The following SRFBP1 variants were observed in gnomAD, a reference collection of about 807,000 sequenced individuals.
SRFBP1 encodes the protein serum response factor-binding protein 1.
Under a neutral mutation model 45.5 loss-of-function variants are expected in SRFBP1, and 47 were observed. The observed-to-expected ratio is 1.03, with a 90% confidence interval of 0.82 to 1.32. The LOEUF is 1.32. Among genes scored for constraint, SRFBP1 ranks in the 40% most tolerant of loss-of-function variants. The probability of loss-of-function intolerance (pLI) is 0.00; values close to 1 mark genes in which losing one functional copy is unlikely to be tolerated. For missense variants in SRFBP1, 621 were observed against 484.6 expected (o/e 1.28, Z -2.64); for synonymous variants, 203 against 166.3 (o/e 1.22, Z -1.70).
chr5:121,967,839 G>C (rs951009303), intron 1 of SRFBP1, among the ~76,000 whole-genome samples: 1 of 152,116 alleles, frequency 6.6e-6, no homozygotes, highest in African/African-American at 2.4e-5. Flanking sequence ...ACCTTGTTTC[G>C]AACAAAGACA....
chr5:121,972,861 T>G lies in SRFBP1; in HGVS notation c.37-1335T>G, dbSNP rs746920621. Among the ~76,000 whole-genome samples, 9 of 151,900 alleles carry G rather than the reference T, an allele frequency of 5.9e-5. No individual in the cohort carries two copies. The South Asian group carries it at 1.2e-3, about 21-fold the overall frequency. On this transcript the variant is annotated intron_variant, in intron 1 of 7. Coordinates refer to ENST00000339397, the MANE Select transcript of SRFBP1 (RefSeq NM_152546.3). ...AGTGGATGGCTGAGATAGAATAGATTAGGTCTTTAGAAAATAAGTAAAGAA... is the reference window on the plus strand; with the variant it reads ...AGTGGATGGCTGAGATAGAATAGATGAGGTCTTTAGAAAATAAGTAAAGAA...
intron 2 of SRFBP1, chr5:122,074,156 T>C (rs1244036482): frequency 6.2e-7 from 1 of 1,613,932 alleles, no homozygotes; most frequent in African/African-American, 1.3e-5. Context: ...AACTCATCCA[T>C]ACTGTGGTAA....
At chr5:122,060,337 T>A (rs1754150956) in intron 2 of SRFBP1, among the ~76,000 whole-genome samples, 3 of 152,050 alleles carry the variant, frequency 2.0e-5, no homozygotes, top group African/African-American at 7.2e-5. Context: ...TTGATGGTCC[T>A]GGTAATTTTC....
rs761396842 is a variant in SRFBP1 at position 122,070,564 on chromosome 5, G to A, written n.312-4751G>A. 1.2e-6 allele frequency: 2 copies of A among 1,604,604 alleles called. No homozygotes were observed. The highest frequency in any genetic ancestry group is 1.7e-6 in the Non-Finnish European group (2 of 1,173,220). ...CTGGCAGTCTATGTCTGCACCATAGGTATCATAACAGCCAGGACTCAATCC... is the reference window on the plus strand; with the variant it reads ...CTGGCAGTCTATGTCTGCACCATAGATATCATAACAGCCAGGACTCAATCC... On this transcript the variant is annotated intron_variant and non_coding_transcript_variant, in intron 2 of 2. Coordinates refer to the SRFBP1 transcript ENST00000504881.
chr5:121,995,933 G>T (rs955433962), intron 4 of SRFBP1, among the ~76,000 whole-genome samples: 6 of 152,032 alleles, frequency 3.9e-5, no homozygotes, highest in African/African-American at 1.5e-4. Context: ...TAAATTCCTC[G>T]ACACATACAC....
At chr5:122,012,112 T>C (rs148988197) in intron 4 of SRFBP1, among the ~76,000 whole-genome samples, 105 of 152,268 alleles carry the variant, frequency 6.9e-4, no homozygotes, top group African/African-American at 2.3e-3. Flanking sequence ...AGCTTGTTCC[T>C]AATTGGCTAG....
At position 121,994,646 on chromosome 5, in the gene SRFBP1, C is replaced by G. The variant is rs368644101; in HGVS notation, c.246C>G (p.Ile82Met). Residue 82 changes from isoleucine to methionine, a missense_variant, in exon 4 of 8, where the codon ATC (isoleucine) becomes ATG (methionine). Coordinates refer to ENST00000339397, the MANE Select transcript of SRFBP1 (RefSeq NM_152546.3). ...IVTKSALGDD[I>M]NFEKIFKKPD... ...CTAAATCTGCTCTTGGTGATGATAT[C>G]AACTTTGAAAAAATCTTCAAAAAGG... 373 of 1,595,134 alleles carry G rather than the reference C, an allele frequency of 2.3e-4. No individual in the cohort carries two copies. The highest frequency in any genetic ancestry group is 2.9e-4 in the Non-Finnish European group (337 of 1,172,156).
chr5:121,962,041 G>C lies in SRFBP1; in HGVS notation c.9G>C (p.Gln3His). Reference sequence around the variant, plus strand: ...ATATTCCTTCATCTACCATGGCTCAGCCGGGAACTCTGAACCTCAATAACG... The same window carrying C: ...ATATTCCTTCATCTACCATGGCTCACCCGGGAACTCTGAACCTCAATAACG... MA[Q>H]PGTLNLNNEV... Residue 3 changes from glutamine (Q) to histidine (H), a missense_variant, in exon 1 of 8, where the codon CAG becomes CAC. Coordinates refer to ENST00000339397, the MANE Select transcript of SRFBP1 (RefSeq NM_152546.3). 1.9e-6 allele frequency: 3 copies of C among 1,614,070 alleles called. No homozygotes were observed. Among genetic ancestry groups the C allele is most frequent in the Non-Finnish European group, 1.7e-6 (2 of 1,180,028 alleles).
chr5:121,976,750 T>G (rs1752310010), intron 3 of SRFBP1, among the ~76,000 whole-genome samples: 1 of 150,532 alleles, frequency 6.6e-6, no homozygotes, highest in African/African-American at 2.4e-5. Context: ...TATATATATA[T>G]ATAATATATA....
At chr5:121,988,023 A>G (rs532779309) in intron 3 of SRFBP1, among the ~76,000 whole-genome samples, 36 of 152,352 alleles carry the variant, frequency 2.4e-4, no homozygotes, top group Admixed American at 3.9e-4. Context: ...ACTTAATTTG[A>G]TATTTTGTGT....
chr5:122,032,645 A>G (rs1753609579), downstream of SRFBP1, among the ~76,000 whole-genome samples: 1 of 152,222 alleles, frequency 6.6e-6, no homozygotes, highest in South Asian at 2.1e-4. Flanking sequence ...CCACTGGGTA[A>G]ATGTATAAGA....
At chr5:122,005,680 A>C (rs1167447336) in intron 4 of SRFBP1, among the ~76,000 whole-genome samples, 1 of 152,050 alleles carries the variant, frequency 6.6e-6, no homozygotes, top group African/African-American at 2.4e-5. Flanking sequence ...TGGACTTACT[A>C]CTGCCATTTT....
chr5:122,019,552 G>A (rs1228242002), intron 5 of SRFBP1, among the ~76,000 whole-genome samples: 4 of 151,168 alleles, frequency 2.6e-5, no homozygotes, highest in Admixed American at 1.3e-4. Flanking sequence ...ATATGTGAAC[G>A]TATAATACGT....
chr5:122,004,833 G>A (rs1345042141), intron 4 of SRFBP1, among the ~76,000 whole-genome samples: 1 of 151,722 alleles, frequency 6.6e-6, no homozygotes. Flanking sequence ...CATAAGTTTT[G>A]GTATGTTGTG....
intron 4 of SRFBP1, among the ~76,000 whole-genome samples, chr5:122,004,964 C>G (rs1402272541): frequency 6.6e-6 from 1 of 151,974 alleles, no homozygotes; most frequent in African/African-American, 2.4e-5. Context: ...TTCAAAAATT[C>G]CTTCTGTTAT....
chr5:122,018,875 A>C (rs1249352353), intron 4 of SRFBP1, among the ~76,000 whole-genome samples: 1 of 152,134 alleles, frequency 6.6e-6, no homozygotes, highest in Non-Finnish European at 1.5e-5. Flanking sequence ...CCAGTTTAGC[A>C]CTAATATGTT....
intron 4 of SRFBP1, among the ~76,000 whole-genome samples, chr5:122,007,991 C>G (rs1235819478): frequency 6.6e-6 from 1 of 151,582 alleles, no homozygotes; most frequent in African/African-American, 2.4e-5. Flanking sequence ...GGTATATATC[C>G]TGAAGCCACT....
chr5:122,030,120 G>C (rs532169192), downstream of SRFBP1, among the ~76,000 whole-genome samples: 1 of 152,260 alleles, frequency 6.6e-6, no homozygotes, highest in South Asian at 2.1e-4. Flanking sequence ...GGTAATAACA[G>C]CTAAAATGGC....
intron 4 of SRFBP1, among the ~76,000 whole-genome samples, chr5:122,013,422 T>A (rs1220877810): frequency 6.6e-6 from 1 of 152,094 alleles, no homozygotes; most frequent in Non-Finnish European, 1.5e-5. Context: ...TCAAAGACAT[T>A]TTTGTTAAAA....
Sources: gnomAD v4.1 joint callset for allele counts (sites outside exome capture counted in the v4.1 genomes callset) on GRCh38, gnomAD v4.1.1 for gene constraint, MANE v1.5 for transcripts, NCBI Gene and HGNC (gene_info 2026-07-23, HGNC 2026-07-21) for gene names.